The following SHANK2 variants were observed in gnomAD, a reference collection of about 807,000 sequenced individuals.
SHANK2 encodes the protein SH3 and multiple ankyrin repeat domains 2, also known as SH3 and multiple ankyrin repeat domains protein 2.
Under a neutral mutation model 133.7 loss-of-function variants are expected in SHANK2, and 43 were observed. That is an observed-to-expected ratio of 0.32 (90% CI 0.25 to 0.41). The LOEUF (loss-of-function observed/expected upper bound fraction) is 0.41, where lower values mean the gene tolerates loss of function less well. Ranked by LOEUF, SHANK2 falls within the 10% of genes least tolerant of loss-of-function variation. The pLI is 1.00. For synonymous variants in SHANK2, 1,017 were observed against 952.8 expected, an observed-to-expected ratio of 1.07 and a Z score of -1.24; for missense variants, 1,994 against 2,235.8, an observed-to-expected ratio of 0.89 and a Z score of 2.18.
At chr11:70,584,930 A>C (rs2060228958) in intron 17 of SHANK2, among the ~76,000 whole-genome samples, 1 of 152,244 alleles carries the variant, frequency 6.6e-6, no homozygotes, top group African/African-American at 2.4e-5. Context: ...AAAGAGTGGC[A>C]GTGCTGGCAC....
intron 17 of SHANK2, among the ~76,000 whole-genome samples, chr11:70,610,556 C>T (rs1192707325): frequency 1.3e-5 from 2 of 152,212 alleles, no homozygotes; most frequent in Non-Finnish European, 2.9e-5. Flanking sequence ...TCTTCTCTCC[C>T]TGAATCCAAG....
In SHANK2 at chr11:70,830,956, G is replaced by T. The variant is rs990836477; in HGVS notation, c.1175-10274C>A. On this transcript the variant is annotated intron_variant, in intron 11 of 25. Coordinates refer to ENST00000601538, the MANE Select transcript of SHANK2 (RefSeq NM_012309.5). This position sits in a 1 kb window ranked among gnomAD's most constrained non-coding sequence, Gnocchi z 4.4. The stretch of plus-strand genomic sequence containing the variant: ...GCCTTTAGACCCACTGTTCCTATAG[G>T]GGTCCTGCGTGGAGGGCCTACAACG... 6.6e-6 allele frequency among the ~76,000 whole-genome samples: 1 copy of T among 152,144 alleles called. No individual in the cohort carries two copies. The highest frequency in any genetic ancestry group is 2.4e-5 in the African/African-American group (1 of 41,446).
chr11:70,786,223 G>A (rs1555046429), intron 14 of SHANK2, among the ~76,000 whole-genome samples: 1 of 152,216 alleles, frequency 6.6e-6, no homozygotes. Context: ...CTCCTCTGCA[G>A]CCACCCTGGG....
chr11:70,547,190 G>C (rs548702971), intron 17 of SHANK2, among the ~76,000 whole-genome samples: 1 of 152,100 alleles, frequency 6.6e-6, no homozygotes, highest in Non-Finnish European at 1.5e-5. Flanking sequence ...GTCCTATCCC[G>C]TACTAAGTCT....
Position 70,742,768 on chromosome 11 carries a change from C to T in SHANK2, c.1778-44005G>A, listed in dbSNP as rs539312343. 4.6e-5 allele frequency among the ~76,000 whole-genome samples: 7 copies of T among 152,352 alleles called. No homozygotes were observed. In the East Asian group the frequency reaches 1.2e-3, roughly 25 times the overall value. On this transcript the variant is annotated intron_variant, in intron 14 of 25. Transcript: ENST00000601538. ...CTGACTGGCTGCCGGAGATAAGAGG[C>T]AAGGGGGCGGCCTGGAGCGCAGGCA...
At chr11:71,152,324 G>C (rs1271568160) in intron 2 of SHANK2, among the ~76,000 whole-genome samples, 4 of 152,186 alleles carry the variant, frequency 2.6e-5, no homozygotes, top group Non-Finnish European at 5.9e-5. Context: ...ATGTTGGCCA[G>C]GCTGGTCTCA....
intron 2 of SHANK2, among the ~76,000 whole-genome samples, chr11:71,147,908 A>G (rs535640038): frequency 4.7e-4 from 71 of 152,346 alleles, no homozygotes; most frequent in African/African-American, 1.7e-3. Context: ...AGAATCTCCC[A>G]GACCAGGACT....
At chr11:70,653,392 T>C (rs1409099636) in intron 17 of SHANK2, among the ~76,000 whole-genome samples, 1 of 152,072 alleles carries the variant, frequency 6.6e-6, no homozygotes, top group Non-Finnish European at 1.5e-5. Flanking sequence ...TCAAACATGC[T>C]AGAGGCCACC....
intron 6 of SHANK2, among the ~76,000 whole-genome samples, chr11:71,101,068 G>A (rs781818158): frequency 1.3e-5 from 2 of 150,428 alleles, no homozygotes; most frequent in Non-Finnish European, 2.9e-5. Flanking sequence ...AGACCCTCAT[G>A]TAAACTATGG....
At chr11:70,667,544 C>T (rs1027363267) in intron 15 of SHANK2, among the ~76,000 whole-genome samples, 4 of 152,162 alleles carry the variant, frequency 2.6e-5, no homozygotes, top group Non-Finnish European at 5.9e-5. Context: ...AGCAGTGGCC[C>T]GGGTTCCCTT....
rs376851256 is a variant in SHANK2 at position 70,499,063 on chromosome 11, G to A, written c.2308+1507C>T. ...GTGTGACGAGTGCTTTTTCCGAGGC[G>A]AGGCCAGTCCTCCCAGAGACAGGTG... is the stretch of plus-strand genomic sequence containing the variant. On this transcript the variant is annotated intron_variant, in intron 21 of 25. Transcript: ENST00000601538. 1.3e-3 allele frequency among the ~76,000 whole-genome samples: 194 copies of A among 152,368 alleles called. 2 individuals carry two copies. Among genetic ancestry groups the A allele is most frequent in the African/African-American group, 4.5e-3 (189 of 41,594 alleles).
chr11:71,145,585 G>A (rs60524701), intron 3 of SHANK2, among the ~76,000 whole-genome samples: 33,581 of 152,174 alleles, frequency 0.22, 3,968 homozygotes, highest in South Asian at 0.31. Flanking sequence ...CTGGCACTGG[G>A]GGAAGAGGAG....
intron 17 of SHANK2, among the ~76,000 whole-genome samples, chr11:70,526,301 A>G (rs142474435): frequency 0.017 from 2,546 of 152,296 alleles, 42 homozygotes; most frequent in Admixed American, 0.029. Flanking sequence ...TCCACCAGCC[A>G]TAACCACAGC....
intron 17 of SHANK2, among the ~76,000 whole-genome samples, chr11:70,648,622 G>A (rs1001504069): frequency 6.6e-6 from 1 of 152,204 alleles, no homozygotes; most frequent in East Asian, 1.9e-4. Flanking sequence ...AAACCCCTCA[G>A]GATTCCAGTG....
chr11:71,219,847 G>C (rs1480486274), intron 2 of SHANK2, among the ~76,000 whole-genome samples: 1 of 151,906 alleles, frequency 6.6e-6, no homozygotes, highest in African/African-American at 2.4e-5. Flanking sequence ...ACAGTGAGCT[G>C]AGATCACACC....
At chr11:70,577,862 A>AG (rs1397055758) in intron 17 of SHANK2, among the ~76,000 whole-genome samples, 1 of 152,170 alleles carries the variant, frequency 6.6e-6, no homozygotes, top group Non-Finnish European at 1.5e-5. Flanking sequence ...TGAGGCCATT[A>AG]GGGTGGGCCC....
intron 2 of SHANK2, among the ~76,000 whole-genome samples, chr11:71,213,691 G>A (rs1055930766): frequency 6.6e-6 from 1 of 152,174 alleles, no homozygotes; most frequent in Non-Finnish European, 1.5e-5. Context: ...CCTGAGCACC[G>A]GGCTGATCTT....
intron 11 of SHANK2, among the ~76,000 whole-genome samples, chr11:70,839,289 G>C (rs1487088035): frequency 1.3e-5 from 2 of 152,230 alleles, no homozygotes; most frequent in Non-Finnish European, 2.9e-5. Context: ...GAGGTGTCTT[G>C]GTTGCTTTAT....
At chr11:71,210,291 C>T (rs969336190) in intron 2 of SHANK2, among the ~76,000 whole-genome samples, 6 of 144,026 alleles carry the variant, frequency 4.2e-5, no homozygotes, top group Non-Finnish European at 9.0e-5. Context: ...CTCTGTCGCC[C>T]AGGCTGGAGT....
Sources: gnomAD v4.1 joint callset for allele counts (sites outside exome capture counted in the v4.1 genomes callset) on GRCh38, gnomAD v4.1.1 for gene constraint, Gnocchi (gnomAD v3.1) non-coding constraint, MANE v1.5 for transcripts, NCBI Gene and HGNC (gene_info 2026-07-23, HGNC 2026-07-21) for gene names.